The following SYAP1 variants were observed in gnomAD, a reference collection of about 807,000 sequenced individuals.
SYAP1 encodes synapse associated protein 1.
A neutral mutation model predicts 29.6 loss-of-function variants in SYAP1; 3 were observed. The observed-to-expected ratio is 0.10, with a 90% CI of 0.05 to 0.26. The LOEUF is 0.26. SYAP1 is among the 10% of genes least tolerant of loss of function. SYAP1 has a pLI of 1.00. For synonymous variants in SYAP1, 102 were observed against 102.7 expected (o/e 0.99, Z 0.04); for missense variants, 217 against 264.1 (o/e 0.82, Z 1.24).
At chrX:16,759,086 G>A (rs778982050) in intron 8 of SYAP1, among the ~76,000 whole-genome samples, 2 of 108,815 alleles carry the variant, frequency 1.8e-5, no homozygotes, top group Admixed American at 9.9e-5. Flanking sequence ...CAGCTACTTG[G>A]GAGGCTGAGG....
chrX:16,731,149 T>C (rs1926197039), intron 1 of SYAP1, among the ~76,000 whole-genome samples: 1 of 112,003 alleles, frequency 8.9e-6, no homozygotes, highest in Admixed American at 9.6e-5. Flanking sequence ...CAAAAATTAG[T>C]TACCCTTTAA....
chrX:16,748,174 C>A (rs1371373520), intron 5 of SYAP1, among the ~76,000 whole-genome samples: 1 of 112,141 alleles, frequency 8.9e-6, no homozygotes, highest in Non-Finnish European at 1.9e-5. Context: ...AATATTCCAA[C>A]CCATTCCCAA....
intron 1 of SYAP1, among the ~76,000 whole-genome samples, chrX:16,733,321 G>GA (rs1484679355): frequency 9.0e-6 from 1 of 111,428 alleles, no homozygotes; most frequent in African/African-American, 3.3e-5. Context: ...GGAAGCTGGT[G>GA]AAAGGATCAT....
chrX:16,730,581 A>C (rs1926185213), intron 1 of SYAP1, among the ~76,000 whole-genome samples: 1 of 112,292 alleles, frequency 8.9e-6, no homozygotes, highest in African/African-American at 3.2e-5. Flanking sequence ...TAAAGCAGGC[A>C]AGTTGTACAG....
intron 5 of SYAP1, among the ~76,000 whole-genome samples, chrX:16,750,790 CAG>C (rs1174790027): frequency 1.0e-5 from 1 of 97,379 alleles, no homozygotes; most frequent in Non-Finnish European, 2.0e-5. Context: ...TTTTTTGAGA[CAG>C]AGTCTCACTC....
chrX:16,735,483 G>T, intron 2 of SYAP1, 138 bp downstream of exon 2: 2 of 411,783 alleles, frequency 4.9e-6, no homozygotes, highest in East Asian at 8.8e-5. Flanking sequence ...TGAGATTTTT[G>T]GTTTTTTCCT....
chrX:16,764,141 C>G lies in SYAP1; in HGVS notation c.*3782C>G, dbSNP rs1444962710. 2 of 110,903 alleles carry G rather than the reference C, an allele frequency of 1.8e-5. No homozygotes were observed. Among genetic ancestry groups the G allele is most frequent in the Non-Finnish European group, 3.8e-5 (2 of 52,962 alleles). The allele number at this position is 110,903 out of a possible 1,213,427, so 9.1% of individuals were successfully genotyped here. A position where few individuals can be genotyped will look rare whatever the true frequency, so the allele number is the denominator to read the frequency against. On this transcript the variant is annotated 3_prime_UTR_variant, in exon 9 of 9. Coordinates refer to ENST00000380155, the MANE Select transcript of SYAP1 (RefSeq NM_032796.4). ...CCGCCCGCCTCGGCCTCCCAAAGTGCTGGGATTACAGGCGTGAGCCACTGC... is the reference window on the plus strand; with the variant it reads ...CCGCCCGCCTCGGCCTCCCAAAGTGGTGGGATTACAGGCGTGAGCCACTGC...
chrX:16,726,758 A>C (rs1926089823), intron 1 of SYAP1, among the ~76,000 whole-genome samples: 1 of 111,690 alleles, frequency 9.0e-6, no homozygotes, highest in South Asian at 3.7e-4. Context: ...TGCAGCACTG[A>C]AGTAGAAGAG....
At chrX:16,734,327 T>C (rs1244855573) in intron 1 of SYAP1, among the ~76,000 whole-genome samples, 1 of 105,148 alleles carries the variant, frequency 9.5e-6, no homozygotes, top group Non-Finnish European at 1.9e-5. Flanking sequence ...TGCAGTGAAC[T>C]GAGATCTGAG....
intron 8 of SYAP1, among the ~76,000 whole-genome samples, chrX:16,758,387 G>A (rs1412160163): frequency 9.7e-6 from 1 of 103,605 alleles, no homozygotes; most frequent in Non-Finnish European, 2.0e-5. Context: ...TCACCCTGTC[G>A]CCCAGGCTGG....
At chrX:16,737,896 A>G (rs1926365685) in intron 3 of SYAP1, among the ~76,000 whole-genome samples, 1 of 111,964 alleles carries the variant, frequency 8.9e-6, no homozygotes, top group Admixed American at 9.6e-5. Flanking sequence ...GCAGCAGTTT[A>G]TTCCTGTTTG....
At chrX:16,747,646 G>A (rs184603586) in intron 5 of SYAP1, among the ~76,000 whole-genome samples, 1 of 112,916 alleles carries the variant, frequency 8.9e-6, no homozygotes, top group African/African-American at 3.2e-5. Context: ...CTGAGAATTG[G>A]TATTTGGCAA....
intron 5 of SYAP1, among the ~76,000 whole-genome samples, chrX:16,745,526 G>T (rs1473667917): frequency 9.1e-6 from 1 of 109,773 alleles, no homozygotes; most frequent in East Asian, 2.9e-4. Context: ...GATTGTCTGA[G>T]ACCAGCCTGG....
intron 5 of SYAP1, 106 bp from the exon 6 acceptor site, chrX:16,754,839 C>T (rs1332906618): frequency 2.2e-5 from 17 of 769,446 alleles, no homozygotes; most frequent in Non-Finnish European, 3.4e-5. Context: ...ATAACCCCTG[C>T]GTGCACTTGT....
chrX:16,753,581 C>T (rs1451573306), intron 5 of SYAP1, among the ~76,000 whole-genome samples: 1 of 111,395 alleles, frequency 9.0e-6, no homozygotes, highest in Non-Finnish European at 1.9e-5. Flanking sequence ...CCCCAGGGAG[C>T]TCTGGATCCT....
intron 5 of SYAP1, among the ~76,000 whole-genome samples, chrX:16,744,721 A>G (rs1715015778): frequency 9.4e-6 from 1 of 106,800 alleles, no homozygotes; most frequent in African/African-American, 3.4e-5. Flanking sequence ...AGTCCCAGCT[A>G]CTCAGGAAGC....
chrX:16,734,695 C>T (rs1926284999), intron 1 of SYAP1, among the ~76,000 whole-genome samples: 1 of 109,411 alleles, frequency 9.1e-6, no homozygotes, highest in African/African-American at 3.3e-5. Context: ...TACTAAGGGT[C>T]TTTGAAAGAG....
chrX:16,725,154 A>G (rs1926057630), intron 1 of SYAP1, among the ~76,000 whole-genome samples: 1 of 112,241 alleles, frequency 8.9e-6, no homozygotes, highest in Non-Finnish European at 1.9e-5. Context: ...AGGTAAAATA[A>G]CTACTTTAAA....
intron 1 of SYAP1, among the ~76,000 whole-genome samples, chrX:16,730,024 A>G (rs1350595374): frequency 1.8e-5 from 2 of 111,808 alleles, no homozygotes; most frequent in Non-Finnish European, 1.9e-5. Flanking sequence ...CCTTGTAAAT[A>G]TGCTTTTTAC....
Sources: allele counts gnomAD v4.1 joint callset (sites outside exome capture counted in the v4.1 genomes callset), GRCh38; gene constraint gnomAD v4.1.1; transcripts MANE v1.5; gene names NCBI Gene and HGNC (gene_info 2026-07-23, HGNC 2026-07-21).